Variants in PCDH15 observed in about 807,000 individuals in gnomAD.
The protein encoded by PCDH15 is protocadherin related 15.
In PCDH15, 129 loss-of-function variants were observed where a neutral mutation model predicts 178.5. The observed-to-expected ratio is 0.72, with a 90% CI of 0.63 to 0.84. The LOEUF is 0.84. PCDH15 is among the 40% of genes least tolerant of loss of function. The pLI is 0.00. For synonymous variants in PCDH15, 800 were observed against 732.0 expected (o/e 1.09, Z -1.50); for missense variants, 2,230 against 2,099.9 (o/e 1.06, Z -1.21).
intron 15 of PCDH15, among the ~76,000 whole-genome samples, chr10:54,111,462 GGTTT>G (rs1285160364): frequency 2.0e-5 from 3 of 151,966 alleles, no homozygotes; most frequent in Non-Finnish European, 4.4e-5. Context: ...AATTCAAACA[GGTTT>G]AGAAATTGTA....
chr10:55,500,804 T>C (rs1022650086), intron 2 of PCDH15, among the ~76,000 whole-genome samples: 3 of 151,836 alleles, frequency 2.0e-5, no homozygotes, highest in Non-Finnish European at 4.4e-5. Flanking sequence ...ATTTTGCTTC[T>C]ATGACTTTTA....
chr10:55,257,821 T>G (rs1842041671), intron 1 of PCDH15, among the ~76,000 whole-genome samples: 1 of 152,068 alleles, frequency 6.6e-6, no homozygotes. Flanking sequence ...CCAGGAGAAC[T>G]TCCCCAATCT....
chr10:54,761,997 A>G (rs1016682911), intron 1 of PCDH15, among the ~76,000 whole-genome samples: 1 of 152,162 alleles, frequency 6.6e-6, no homozygotes, highest in Non-Finnish European at 1.5e-5. Context: ...TAGTCTAAAC[A>G]TAGAGTCCAT....
chr10:54,044,364 T>C (rs2093614895), intron 18 of PCDH15, among the ~76,000 whole-genome samples: 1 of 152,134 alleles, frequency 6.6e-6, no homozygotes, highest in African/African-American at 2.4e-5. Flanking sequence ...TTCTTATGTA[T>C]GACCAGAGAA....
chr10:54,314,130 TAC>T lies in PCDH15; in HGVS notation c.876+3139_876+3140del, dbSNP rs58949602. On this transcript the variant is annotated intron_variant, in intron 8 of 37. Coordinates refer to ENST00000644397, the MANE Select transcript of PCDH15 (RefSeq NM_001384140.1). ...TATTTAAAAGGATTTTAATTGGAAGTACACACACACACACACACACACACACA... is the reference window on the plus strand; with the variant it reads ...TATTTAAAAGGATTTTAATTGGAAGTACACACACACACACACACACACACA... Among the ~76,000 whole-genome samples the T allele has an allele frequency of 5.8e-3, 864 of 149,678 alleles. 6 individuals carry two copies. Among genetic ancestry groups the T allele is most frequent in the East Asian group, 0.033 (165 of 4,968 alleles).
chr10:55,095,681 T>A (rs888348228), intron 2 of PCDH15, among the ~76,000 whole-genome samples: 6 of 152,110 alleles, frequency 3.9e-5, no homozygotes, highest in African/African-American at 1.4e-4. Context: ...CTAGGCCAAG[T>A]GCTGAAAACA....
At chr10:54,123,109 G>A (rs1564473300) in intron 15 of PCDH15, among the ~76,000 whole-genome samples, 1 of 152,074 alleles carries the variant, frequency 6.6e-6, no homozygotes. Context: ...CATCACCTTT[G>A]GCAAAGGATT....
chr10:54,757,629 T>C (rs1947330736), intron 1 of PCDH15, among the ~76,000 whole-genome samples: 1 of 152,184 alleles, frequency 6.6e-6, no homozygotes. Flanking sequence ...CTACTTCATT[T>C]GCCTTCTTTA....
At chr10:55,200,036 C>G in intron 1 of PCDH15, among the ~76,000 whole-genome samples, 1 of 152,052 alleles carries the variant, frequency 6.6e-6, no homozygotes, top group Non-Finnish European at 1.5e-5. Context: ...GTTCGTGTCT[C>G]TACACATTGT....
intron 18 of PCDH15, among the ~76,000 whole-genome samples, chr10:54,047,555 C>T (rs1338541702): frequency 6.6e-6 from 1 of 151,816 alleles, no homozygotes; most frequent in Admixed American, 6.6e-5. Flanking sequence ...AGTTTTCAAC[C>T]CTTGTGCCCC....
At chr10:54,478,809 A>G (rs2078472128) in intron 3 of PCDH15, among the ~76,000 whole-genome samples, 1 of 151,924 alleles carries the variant, frequency 6.6e-6, no homozygotes, top group South Asian at 2.1e-4. Context: ...CAGCTGCGGT[A>G]AAAAAAATCT....
intron 2 of PCDH15, among the ~76,000 whole-genome samples, chr10:55,550,970 G>C (rs1245111391): frequency 6.6e-6 from 1 of 152,138 alleles, no homozygotes; most frequent in East Asian, 1.9e-4. Context: ...GTTTTCCCTA[G>C]AGGAGTACGT....
intron 2 of PCDH15, among the ~76,000 whole-genome samples, chr10:54,656,512 C>T (rs983456741): frequency 6.6e-6 from 1 of 152,320 alleles, no homozygotes; most frequent in Non-Finnish European, 1.5e-5. Flanking sequence ...TGCCCACACT[C>T]TTCTCAGGCC....
chr10:55,580,398 C>T (rs1423675336), intron 2 of PCDH15, among the ~76,000 whole-genome samples: 1 of 144,350 alleles, frequency 6.9e-6, no homozygotes, highest in Non-Finnish European at 1.5e-5. Flanking sequence ...CATTCTGTTG[C>T]CCAGGCTGGA....
intron 3 of PCDH15, among the ~76,000 whole-genome samples, chr10:54,477,682 C>T (rs542376949): frequency 9.8e-5 from 15 of 152,302 alleles, no homozygotes; most frequent in Admixed American, 1.3e-4. Flanking sequence ...CTGCAGCCTT[C>T]GACTTCTGGG....
At chr10:54,577,852 G>GAATA (rs1228767675) in intron 2 of PCDH15, among the ~76,000 whole-genome samples, 170 of 11,494 alleles carry the variant, frequency 0.015, no homozygotes, top group Non-Finnish European at 0.047. Flanking sequence ...CTAAATAAAT[G>GAATA]AATAAATAAA....
rs181413079 is a variant in PCDH15, at chr10:54,340,903, C to T, written c.594+5462G>A. Among the ~76,000 whole-genome samples, 927 of 152,148 alleles carry T rather than the reference C, an allele frequency of 6.1e-3. 10 individuals carry two copies. Among genetic ancestry groups the T allele is most frequent in the African/African-American group, 0.02 (843 of 41,512 alleles). On this transcript the variant is annotated intron_variant, in intron 6 of 37. Transcript: ENST00000644397. The stretch of plus-strand genomic sequence containing the variant: ...ATTTTTGCCTTACCAGTTTAACATT[C>T]CCAGAAAAAGGTCATATACTAGTGA...
Position 55,547,910 on chromosome 10 carries a change from T to TGTGAGAGAGAGAGAGAGA in PCDH15, c.-156+79714_-156+79715insTCTCTCTCTCTCTCTCAC. Among the ~76,000 whole-genome samples, 154 of 54,440 alleles carry TGTGAGAGAGAGAGAGAGA rather than the reference T, an allele frequency of 2.8e-3. 2 individuals are homozygous for TGTGAGAGAGAGAGAGAGA. Among genetic ancestry groups the TGTGAGAGAGAGAGAGAGA allele is most frequent in the East Asian group, 0.011 (20 of 1,792 alleles). The allele number at this position is 54,440 out of a possible 152,430, so 35.7% of individuals were successfully genotyped here. On this transcript the variant is annotated intron_variant, in intron 2 of 5. Coordinates refer to the PCDH15 transcript ENST00000613346. ...TGGTGTGTGTGTCTGTGTGTGTGTG[T>TGTGAGAGAGAGAGAGAGA]GAGAGAGAGAGAGAGAGAGAGAGAG...
intron 5 of PCDH15, among the ~76,000 whole-genome samples, chr10:54,350,081 T>G (rs1943928680): frequency 1.3e-5 from 2 of 152,204 alleles, no homozygotes; most frequent in Non-Finnish European, 1.5e-5. Context: ...AATGATATTA[T>G]ATAAAGGTTA....
Sources: allele counts gnomAD v4.1 joint callset (sites outside exome capture counted in the v4.1 genomes callset), GRCh38; gene constraint gnomAD v4.1.1; transcripts MANE v1.5; gene names NCBI Gene and HGNC (gene_info 2026-07-23, HGNC 2026-07-21).